Variants in SNTG2 observed in about 807,000 individuals in gnomAD.
The protein encoded by SNTG2 is syntrophin gamma 2.
Under a neutral mutation model 70.9 loss-of-function variants are expected in SNTG2, and 74 were observed. That is an observed-to-expected ratio of 1.04 (90% CI 0.86 to 1.27). SNTG2 has a LOEUF of 1.27. Among genes scored for constraint, SNTG2 ranks in the 50% most tolerant of loss-of-function variants. The probability of loss-of-function intolerance (pLI) is 0.00; values close to 1 mark genes in which losing one functional copy is unlikely to be tolerated. For missense variants in SNTG2, 717 were observed against 690.7 expected (o/e 1.04, Z -0.43); for synonymous variants, 278 against 273.8 (o/e 1.02, Z -0.15).
At chr2:969,110 A>G (rs1218254658) in intron 1 of SNTG2, among the ~76,000 whole-genome samples, 2 of 152,136 alleles carry the variant, frequency 1.3e-5, no homozygotes, top group Non-Finnish European at 2.9e-5. Flanking sequence ...AGCTCCATTT[A>G]TTGAATTGGA....
In SNTG2 at chr2:973,255, T is replaced by C. The variant is rs190464349; in HGVS notation, c.72+22187T>C. Reference sequence around the variant, plus strand: ...ATGCTGATCTGTTGCCAGTGAATTCTCTCAGCTTTTGTTGTTCTGAAGGCA... The same window carrying C: ...ATGCTGATCTGTTGCCAGTGAATTCCCTCAGCTTTTGTTGTTCTGAAGGCA... On this transcript the variant is annotated intron_variant, in intron 1 of 16. Transcript: ENST00000308624. Among the ~76,000 whole-genome samples, 54 of 152,378 alleles carry C rather than the reference T, an allele frequency of 3.5e-4. No homozygotes were observed. In the East Asian group the frequency reaches 9.4e-3, roughly 27 times the overall value.
chr2:1,161,334 T>G (rs970246851), intron 6 of SNTG2: 22 of 151,628 alleles, frequency 1.5e-4, no homozygotes, highest in Admixed American at 1.4e-3. Context: ...GCAAATACAT[T>G]GTGCACAAAA....
At chr2:965,662 G>A (rs1236575001) in intron 1 of SNTG2, among the ~76,000 whole-genome samples, 1 of 152,110 alleles carries the variant, frequency 6.6e-6, no homozygotes, top group South Asian at 2.1e-4. Flanking sequence ...TGCTGCTGGC[G>A]GGGGTGTCAG....
chr2:1,043,149 G>T (rs1284765711), intron 1 of SNTG2, among the ~76,000 whole-genome samples: 1 of 152,102 alleles, frequency 6.6e-6, no homozygotes, highest in Non-Finnish European at 1.5e-5. Context: ...TCATATGCTT[G>T]TTGGCCACAT....
intron 8 of SNTG2, among the ~76,000 whole-genome samples, chr2:1,179,707 A>G (rs199588787): frequency 7.3e-5 from 11 of 150,440 alleles, no homozygotes; most frequent in South Asian, 2.1e-4. Context: ...ACAGAATTGG[A>G]AAAAACTACT....
intron 1 of SNTG2, among the ~76,000 whole-genome samples, chr2:989,765 C>T (rs571837679): frequency 1.1e-3 from 175 of 152,306 alleles, no homozygotes; most frequent in African/African-American, 3.7e-3. Flanking sequence ...AGCAGTAAAG[C>T]GACTTAAGAC....
chr2:1,037,962 T>C (rs1157866503), intron 1 of SNTG2, among the ~76,000 whole-genome samples: 1 of 152,174 alleles, frequency 6.6e-6, no homozygotes, highest in African/African-American at 2.4e-5. Context: ...TGTACTTGGG[T>C]GGGCTTGCTA....
At chr2:1,075,789 G>A (rs200019971) in intron 1 of SNTG2, among the ~76,000 whole-genome samples, 1 of 152,146 alleles carries the variant, frequency 6.6e-6, no homozygotes, top group African/African-American at 2.4e-5. Context: ...GGTTTCATTT[G>A]TACTAACATG....
At chr2:1,267,095 A>G (rs887663303) in intron 13 of SNTG2, among the ~76,000 whole-genome samples, 4 of 152,186 alleles carry the variant, frequency 2.6e-5, no homozygotes, top group African/African-American at 9.7e-5. Flanking sequence ...ACCGTAAAAC[A>G]GGAAAGTGTG....
chr2:1,131,740 C>T (rs912199287), intron 4 of SNTG2, among the ~76,000 whole-genome samples: 2 of 151,962 alleles, frequency 1.3e-5, no homozygotes, highest in Non-Finnish European at 2.9e-5. Context: ...CAACCTCCAC[C>T]TCCCGGGTTC....
At position 1,048,558 on chromosome 2, in the gene SNTG2, A is replaced by G. The variant is rs111708389; in HGVS notation, c.73-34960A>G. ...TTGTATTCGCTGTGTGAGGATGCCA[A>G]CACTTCTCTGTACTACTTGTTGCTG... On this transcript the variant is annotated intron_variant, in intron 1 of 16. Coordinates refer to ENST00000308624, the MANE Select transcript of SNTG2 (RefSeq NM_018968.4). Among the ~76,000 whole-genome samples the G allele has an allele frequency of 7.4e-3, 1,124 of 152,036 alleles. 18 individuals carry two copies. The highest frequency in any genetic ancestry group is 0.026 in the African/African-American group (1,064 of 41,472).
intron 13 of SNTG2, among the ~76,000 whole-genome samples, chr2:1,260,000 C>T (rs931787312): frequency 6.6e-6 from 1 of 152,236 alleles, no homozygotes; most frequent in Non-Finnish European, 1.5e-5. Context: ...GATGCGCTCA[C>T]CGTGGCCGGG....
intron 1 of SNTG2, among the ~76,000 whole-genome samples, chr2:976,114 A>T (rs1452359010): frequency 2.6e-5 from 4 of 152,210 alleles, no homozygotes; most frequent in Non-Finnish European, 4.4e-5. Context: ...AGTTGGATGA[A>T]ATGTATTTGA....
chr2:1,334,645 C>T (rs370596032), intron 16 of SNTG2, among the ~76,000 whole-genome samples: 2 of 152,276 alleles, frequency 1.3e-5, no homozygotes, highest in African/African-American at 4.8e-5. Flanking sequence ...TTTGCAGCAA[C>T]TTGGATGGAG....
intron 1 of SNTG2, among the ~76,000 whole-genome samples, chr2:1,037,009 C>T (rs1661168399): frequency 6.6e-6 from 1 of 152,226 alleles, no homozygotes; most frequent in African/African-American, 2.4e-5. Context: ...ACTCAGCTCC[C>T]AGGGGCACCC....
chr2:1,291,495 G>A (rs1398418156), intron 14 of SNTG2, among the ~76,000 whole-genome samples: 1 of 152,148 alleles, frequency 6.6e-6, no homozygotes, highest in East Asian at 1.9e-4. Flanking sequence ...GACATTTAGA[G>A]TTTTGGTCTG....
At chr2:1,202,545 A>G (rs1010238717) in intron 8 of SNTG2, among the ~76,000 whole-genome samples, 1 of 152,176 alleles carries the variant, frequency 6.6e-6, no homozygotes, top group Non-Finnish European at 1.5e-5. Context: ...AAAGACCAAT[A>G]GCAACATGTA....
intron 16 of SNTG2, among the ~76,000 whole-genome samples, chr2:1,339,006 A>G (rs2148292855): frequency 6.6e-6 from 1 of 152,310 alleles, no homozygotes; most frequent in East Asian, 1.9e-4. Context: ...ATTTCTCCGC[A>G]TCCTCATCAA....
Position 1,367,328 on chromosome 2 carries a change from G to T in SNTG2, c.1489-15G>T. The T allele has an allele frequency of 6.5e-7, 1 of 1,526,814 alleles. No homozygotes were observed. The highest frequency in any genetic ancestry group is 8.8e-7 in the Non-Finnish European group (1 of 1,136,008). The allele number at this position is 1,526,814 out of a possible 1,614,324, so 94.6% of individuals were successfully genotyped here. A position where few individuals can be genotyped will look rare whatever the true frequency, so the allele number is the denominator to read the frequency against. On this transcript the variant is annotated splice_polypyrimidine_tract_variant and intron_variant, in intron 16 of 16. Transcript: ENST00000308624. The stretch of plus-strand genomic sequence containing the variant: ...AACAATTATAATAAACACTTGATCT[G>T]ATTTTCTCCTCCAGGAACTCGAGTT...
Sources: gnomAD v4.1 joint callset for allele counts (sites outside exome capture counted in the v4.1 genomes callset) on GRCh38, gnomAD v4.1.1 for gene constraint, MANE v1.5 for transcripts, NCBI Gene and HGNC (gene_info 2026-07-23, HGNC 2026-07-21) for gene names.